The following APBB2 variants were observed in gnomAD, a reference collection of about 807,000 sequenced individuals.
APBB2 encodes the protein amyloid beta precursor protein binding family B member 2.
A neutral mutation model predicts 82.5 loss-of-function variants in APBB2; 38 were observed. The ratio of observed to expected loss-of-function variants is 0.46; its 90% CI spans 0.36 to 0.60. APBB2 has a LOEUF of 0.60. APBB2 is among the 20% of genes least tolerant of loss of function. The probability of loss-of-function intolerance (pLI) is 0.00; values close to 1 mark genes in which losing one functional copy is unlikely to be tolerated. For missense variants in APBB2, 772 were observed against 972.3 expected, an observed-to-expected ratio of 0.79 and a Z score of 2.74; for synonymous variants, 341 against 368.2, an observed-to-expected ratio of 0.93 and a Z score of 0.85.
chr4:40,894,788 G>A (rs985603318), intron 10 of APBB2, among the ~76,000 whole-genome samples: 1 of 152,144 alleles, frequency 6.6e-6, no homozygotes, highest in Admixed American at 6.5e-5. Context: ...AAAATCCAAA[G>A]ACGTATGGAG....
chr4:41,190,241 ATTTTTTTT>A (rs1160837303), intron 1 of APBB2, among the ~76,000 whole-genome samples: 6,630 of 71,342 alleles, frequency 0.093, 140 homozygotes, highest in African/African-American at 0.16. Context: ...TACATAGGCT[ATTTTTTTT>A]TTTTTTTTTT....
At chr4:41,025,182 A>T (rs774244436) in intron 5 of APBB2, among the ~76,000 whole-genome samples, 19 of 152,190 alleles carry the variant, frequency 1.2e-4, no homozygotes, top group Non-Finnish European at 2.6e-4. Flanking sequence ...AATTAAACAA[A>T]TTTACAGGAG....
chr4:41,139,114 G>A (rs574403897), intron 2 of APBB2, among the ~76,000 whole-genome samples: 4 of 152,128 alleles, frequency 2.6e-5, no homozygotes, highest in African/African-American at 4.8e-5. Context: ...CCATGTTCAC[G>A]TATCAGAGCT....
At chr4:40,885,137 T>C (rs966138581) in intron 12 of APBB2, among the ~76,000 whole-genome samples, 2 of 152,242 alleles carry the variant, frequency 1.3e-5, no homozygotes, top group African/African-American at 4.8e-5. Context: ...ATCATGACTG[T>C]TGATGGTTGT....
At chr4:41,001,900 A>G (rs2154420838) in intron 6 of APBB2, among the ~76,000 whole-genome samples, 1 of 152,144 alleles carries the variant, frequency 6.6e-6, no homozygotes, top group East Asian at 1.9e-4. Context: ...AGAAAAAGAA[A>G]AAGAAAAAGA....
At chr4:40,852,528 A>G (rs1412894179) in intron 12 of APBB2, among the ~76,000 whole-genome samples, 2 of 152,190 alleles carry the variant, frequency 1.3e-5, no homozygotes, top group African/African-American at 2.4e-5. Flanking sequence ...TGAGAATGAC[A>G]GAAAGGGTAC....
At chr4:40,904,853 T>C (rs1160410093) in intron 10 of APBB2, among the ~76,000 whole-genome samples, 2 of 152,042 alleles carry the variant, frequency 1.3e-5, no homozygotes, top group African/African-American at 4.8e-5. Flanking sequence ...GAGACCACGG[T>C]GGCCAGGGAG....
intron 5 of APBB2, among the ~76,000 whole-genome samples, chr4:41,021,200 C>T (rs191033225): frequency 6.6e-6 from 1 of 152,194 alleles, no homozygotes; most frequent in African/African-American, 2.4e-5. Flanking sequence ...TGAACCGACC[C>T]GCTGGCCCTT....
intron 6 of APBB2, among the ~76,000 whole-genome samples, chr4:40,969,875 A>G (rs1344579025): frequency 6.6e-6 from 1 of 152,260 alleles, no homozygotes; most frequent in Admixed American, 6.5e-5. Context: ...TAATAGAATC[A>G]GGCTGGGCTT....
intron 1 of APBB2, among the ~76,000 whole-genome samples, chr4:41,150,450 T>TA (rs1362488380): frequency 6.6e-6 from 1 of 152,210 alleles, no homozygotes; most frequent in Non-Finnish European, 1.5e-5. Context: ...TCATTAGGAA[T>TA]TATTGCCAAA....
intron 1 of APBB2, among the ~76,000 whole-genome samples, chr4:41,171,834 G>A (rs931655325): frequency 4.6e-5 from 7 of 152,018 alleles, no homozygotes; most frequent in East Asian, 3.9e-4. Flanking sequence ...GGTGGCAGCC[G>A]CCTGTAATCC....
intron 10 of APBB2, among the ~76,000 whole-genome samples, chr4:40,917,141 T>C (rs1780049240): frequency 6.6e-6 from 1 of 152,216 alleles, no homozygotes; most frequent in African/African-American, 2.4e-5. Flanking sequence ...GGGGTGGGTC[T>C]AGTGATTTGA....
At chr4:41,076,855 G>A (rs762878144) in intron 3 of APBB2, among the ~76,000 whole-genome samples, 2 of 152,044 alleles carry the variant, frequency 1.3e-5, no homozygotes, top group Non-Finnish European at 2.9e-5. Flanking sequence ...AAGAATGGAT[G>A]CTATAAAATA....
intron 6 of APBB2, among the ~76,000 whole-genome samples, chr4:40,985,736 C>T (rs1327310343): frequency 2.0e-5 from 3 of 152,200 alleles, no homozygotes; most frequent in Non-Finnish European, 2.9e-5. Context: ...AATTTCACCA[C>T]ACCAACTCTC....
At chr4:40,984,074 G>C (rs1185396863) in intron 6 of APBB2, among the ~76,000 whole-genome samples, 1 of 152,176 alleles carries the variant, frequency 6.6e-6, no homozygotes, top group Non-Finnish European at 1.5e-5. Flanking sequence ...TTGATCTTTA[G>C]AAGCAAAAGA....
intron 2 of APBB2, chr4:41,138,129 T>G (rs969793402): frequency 1.3e-5 from 2 of 151,968 alleles, no homozygotes; most frequent in African/African-American, 4.8e-5. Context: ...ATCACGTCAC[T>G]GCACTCCAGC....
At chr4:41,068,385 G>T (rs1207803688) in intron 3 of APBB2, among the ~76,000 whole-genome samples, 1 of 152,168 alleles carries the variant, frequency 6.6e-6, no homozygotes. Context: ...TCTGGCTATA[G>T]TAAGTTCATA....
chr4:40,874,532 A>G (rs1766362388), intron 12 of APBB2, among the ~76,000 whole-genome samples: 1 of 152,164 alleles, frequency 6.6e-6, no homozygotes, highest in Non-Finnish European at 1.5e-5. Flanking sequence ...GGGTGGAGAT[A>G]AGTAAATGAA....
intron 11 of APBB2, chr4:40,892,256 T>C (rs1772265625): frequency 6.6e-6 from 1 of 152,336 alleles, no homozygotes. Flanking sequence ...CAGCCAGGCT[T>C]GGGTATTTGG....
Sources: allele counts gnomAD v4.1 joint callset (sites outside exome capture counted in the v4.1 genomes callset), GRCh38; gene constraint gnomAD v4.1.1; transcripts MANE v1.5; gene names NCBI Gene and HGNC (gene_info 2026-07-23, HGNC 2026-07-21).